Variants in NUP214 observed in about 807,000 individuals in gnomAD.
NUP214 encodes nucleoporin 214, also known as nuclear pore complex protein Nup214.
A neutral mutation model predicts 196.2 loss-of-function variants in NUP214; 79 were observed. The ratio of observed to expected loss-of-function variants is 0.40; its 90% CI spans 0.34 to 0.49. NUP214 has a LOEUF of 0.49. Ranked by LOEUF, NUP214 falls within the 20% of genes least tolerant of loss-of-function variation. The pLI, the probability that NUP214 is intolerant of heterozygous loss-of-function variation, is 0.58. For missense variants in NUP214, 2,468 were observed against 2,539.0 expected, an observed-to-expected ratio of 0.97 and a Z score of 0.60; for synonymous variants, 1,020 against 990.5, an observed-to-expected ratio of 1.03 and a Z score of -0.56.
At chr9:131,217,302 G>C (rs1056358884) in intron 31 of NUP214, among the ~76,000 whole-genome samples, 1 of 152,212 alleles carries the variant, frequency 6.6e-6, no homozygotes, top group Non-Finnish European at 1.5e-5. Context: ...GTAATCAGAA[G>C]TTTTTGTTCT....
At chr9:131,221,811 A>G (rs2131092932) in intron 31 of NUP214, among the ~76,000 whole-genome samples, 1 of 152,244 alleles carries the variant, frequency 6.6e-6, no homozygotes, top group East Asian at 1.9e-4. Flanking sequence ...CGTGGTAGGA[A>G]ACGTGAGTTA....
At chr9:131,145,758 T>A (rs1486340626) in intron 12 of NUP214, among the ~76,000 whole-genome samples, 1 of 152,174 alleles carries the variant, frequency 6.6e-6, no homozygotes, top group Non-Finnish European at 1.5e-5. Flanking sequence ...TCTCAGTAAT[T>A]TCCTTGGTAA....
chr9:131,214,376 G>A (rs776916070), intron 30 of NUP214, among the ~76,000 whole-genome samples: 5 of 152,168 alleles, frequency 3.3e-5, no homozygotes, highest in Non-Finnish European at 5.9e-5. Flanking sequence ...CCGCTGTGTT[G>A]AGATGGGTAG....
chr9:131,230,657 C>T lies in NUP214; in HGVS notation c.6102C>T (p.Ser2034=), dbSNP rs997788146. ...FGFGSSSNTT[S]FGTLASQNAP... is the part of the protein sequence containing the mutation. ...TTGGGAGCAGCAGCAACACCACATCCTTCGGCACGCTCGCGAGTCAGAATG... is the reference window on the plus strand; with the variant it reads ...TTGGGAGCAGCAGCAACACCACATCTTTCGGCACGCTCGCGAGTCAGAATG... Residue 2034 remains serine (S), a synonymous_variant, in exon 34 of 36, where the codon TCC becomes TCT. Coordinates refer to ENST00000359428, the MANE Select transcript of NUP214 (RefSeq NM_005085.4). 3.7e-6 allele frequency: 6 copies of T among 1,614,024 alleles called. No individual in the cohort carries two copies. The highest frequency in any genetic ancestry group is 5.1e-6 in the Non-Finnish European group (6 of 1,180,024).
intron 31 of NUP214, among the ~76,000 whole-genome samples, chr9:131,216,815 C>T (rs1209298983): frequency 6.6e-6 from 1 of 152,190 alleles, no homozygotes; most frequent in Non-Finnish European, 1.5e-5. Context: ...GCGTGAGCCA[C>T]CGTGCTCGGC....
At position 131,185,897 on chromosome 9, in the gene NUP214, A is replaced by G. The variant is rs1288206233; in HGVS notation, c.3420-1392A>G. On this transcript the variant is annotated intron_variant, in intron 24 of 35. Coordinates refer to ENST00000359428, the MANE Select transcript of NUP214 (RefSeq NM_005085.4). Reference sequence around the variant, plus strand: ...TAATTACACTCAGTCTTATTCATGCATAATTTACTATCATGTCACAATTGA... The same window carrying G: ...TAATTACACTCAGTCTTATTCATGCGTAATTTACTATCATGTCACAATTGA... Among the ~76,000 whole-genome samples, 7 of 152,372 alleles carry G rather than the reference A, an allele frequency of 4.6e-5. No individual in the cohort carries two copies. The South Asian group carries it at 6.2e-4, about 14-fold the overall frequency.
chr9:131,215,105 C>T, intron 30 of NUP214, 107 bp from the exon 31 acceptor site: 2 of 1,050,746 alleles, frequency 1.9e-6, no homozygotes, highest in Non-Finnish European at 2.6e-6. Flanking sequence ...ACTAATCTTG[C>T]TTTTTCCATT....
intron 23 of NUP214, 27 bp downstream of exon 23, chr9:131,175,648 C>T (rs1031234101): frequency 4.4e-6 from 7 of 1,606,880 alleles, no homozygotes; most frequent in African/African-American, 1.3e-5. Context: ...CATACCTGTA[C>T]AGAGGCTGAT....
intron 24 of NUP214, among the ~76,000 whole-genome samples, chr9:131,179,997 C>G (rs750055904): frequency 2.6e-5 from 4 of 152,168 alleles, no homozygotes; most frequent in Non-Finnish European, 5.9e-5. Flanking sequence ...TCTAGTGTTT[C>G]TGAGATATAT....
At chr9:131,208,320 C>T (rs758694451) in intron 30 of NUP214, among the ~76,000 whole-genome samples, 1 of 152,224 alleles carries the variant, frequency 6.6e-6, no homozygotes, top group Non-Finnish European at 1.5e-5. Context: ...AAGGTGGAAA[C>T]AACCCAAGTG....
chr9:131,202,311 G>C (rs988055672), intron 30 of NUP214, among the ~76,000 whole-genome samples: 5 of 152,108 alleles, frequency 3.3e-5, no homozygotes, highest in Admixed American at 1.3e-4. Context: ...CTTTTGGGGG[G>C]TTTGTTGTTG....
At chr9:131,163,454 T>G in intron 19 of NUP214, 1 of 440,532 alleles carries the variant, frequency 2.3e-6, no homozygotes, top group Non-Finnish European at 4.0e-6. Context: ...TACACCATAG[T>G]AACAGTGTCA....
rs372395929 is a variant in NUP214 at position 131,198,685 on chromosome 9, G to A, written c.5191G>A (p.Val1731Ile). Residue 1731 changes from valine to isoleucine, a missense_variant, in exon 29 of 36, where the codon GTC becomes ATC. Coordinates refer to ENST00000359428, the MANE Select transcript of NUP214 (RefSeq NM_005085.4). Reference sequence around the variant, plus strand: ...ACAGACAACCTTCGGGCAGGCCTCAGTCTTTGGGCAGTCGGCGAGCAGTGC... The same window carrying A: ...ACAGACAACCTTCGGGCAGGCCTCAATCTTTGGGCAGTCGGCGAGCAGTGC... Reference protein sequence around the residue: ...FGQTTFGQASVFGQSASSAAS... With the variant: ...FGQTTFGQASIFGQSASSAAS... 4 of 1,614,116 alleles carry A rather than the reference G, an allele frequency of 2.5e-6. No homozygotes were observed. In the African/African-American group the frequency reaches 5.3e-5, roughly 22 times the overall value.
In NUP214 at chr9:131,147,511, C is replaced by G; in HGVS notation, c.1967C>G (p.Ser656Ter). ...GCAGGACGATCTGCTCAGGGCAGTT[C>G]AAGCCCAGTGCCCTCAATGGTACAG... Reference protein sequence around the residue: ...SPSGRSAQGSSSPVPSMVQKS... With the variant: ...SPSGRSAQGS The change falls in exon 14 of 36, where the codon TCA becomes TGA. Residue 656 changes from serine to a stop codon, truncating the protein, a stop_gained. Transcript: ENST00000359428. LOFTEE classifies it high-confidence loss of function. The G allele has an allele frequency of 1.9e-6, 3 of 1,614,022 alleles. No individual in the cohort carries two copies. Among genetic ancestry groups the G allele is most frequent in the South Asian group, 1.1e-5 (1 of 91,054 alleles).
intron 21 of NUP214, 75 bp downstream of exon 21, chr9:131,164,219 G>A: frequency 7.6e-7 from 1 of 1,310,734 alleles, no homozygotes; most frequent in South Asian, 1.2e-5. Flanking sequence ...GCGCGCACAT[G>A]CACGTGTGCA....
intron 24 of NUP214, among the ~76,000 whole-genome samples, chr9:131,185,551 T>C (rs1386133742): frequency 6.6e-6 from 1 of 152,256 alleles, no homozygotes; most frequent in Non-Finnish European, 1.5e-5. Context: ...TCACCTAAGA[T>C]ATGGATACTT....
At position 131,196,912 on chromosome 9, in the gene NUP214, G is replaced by A. The variant is rs145672896; in HGVS notation, c.3722-304G>A. Among the ~76,000 whole-genome samples, 293 of 152,316 alleles carry A rather than the reference G, an allele frequency of 1.9e-3. 3 individuals carry two copies. Among genetic ancestry groups the A allele is most frequent in the African/African-American group, 6.7e-3 (280 of 41,570 alleles). On this transcript the variant is annotated intron_variant, in intron 28 of 35. Transcript: ENST00000359428. The stretch of plus-strand genomic sequence containing the variant: ...ACACAGCTAGGGTAAATTAAGGGAA[G>A]AGGCTTTTTTATTTCTCTTTGGGAT...
At chr9:131,183,749 A>C (rs1013146579) in intron 24 of NUP214, among the ~76,000 whole-genome samples, 4 of 152,140 alleles carry the variant, frequency 2.6e-5, no homozygotes, top group Non-Finnish European at 4.4e-5. Context: ...TGTTTTTCTA[A>C]TTACAAATGT....
chr9:131,178,752 G>C (rs1388847944), intron 24 of NUP214, among the ~76,000 whole-genome samples: 1 of 150,740 alleles, frequency 6.6e-6, no homozygotes, highest in Non-Finnish European at 1.5e-5. Flanking sequence ...TGATGCTTTG[G>C]GTCTCATGCA....
Sources: gnomAD v4.1 joint callset for allele counts (sites outside exome capture counted in the v4.1 genomes callset) on GRCh38, gnomAD v4.1.1 for gene constraint, MANE v1.5 for transcripts, NCBI Gene and HGNC (gene_info 2026-07-23, HGNC 2026-07-21) for gene names.